Variants in SENP7 observed in about 807,000 individuals in gnomAD.
SENP7 encodes sentrin-specific protease 7.
In SENP7, 64 loss-of-function variants were observed where a neutral mutation model predicts 141.2. The observed-to-expected ratio is 0.45, with a 90% CI of 0.37 to 0.56. SENP7 has a LOEUF of 0.56. Ranked by LOEUF, SENP7 falls within the 20% of genes least tolerant of loss-of-function variation. SENP7 has a pLI of 0.00. For synonymous variants in SENP7, 382 were observed against 426.4 expected (o/e 0.90, Z 1.28); for missense variants, 1,025 against 1,212.2 (o/e 0.85, Z 2.29).
chr3:101,486,376 A>G (rs1159023938), intron 3 of SENP7, among the ~76,000 whole-genome samples: 1 of 152,236 alleles, frequency 6.6e-6, no homozygotes, highest in African/African-American at 2.4e-5. Context: ...CAGCTAACCT[A>G]TAAGGAAAAC....
chr3:101,394,812 C>T (rs2060921592), intron 6 of SENP7, among the ~76,000 whole-genome samples: 1 of 152,096 alleles, frequency 6.6e-6, no homozygotes, highest in Non-Finnish European at 1.5e-5. Flanking sequence ...CCAACATCTG[C>T]TATTCTTTGT....
At chr3:101,465,464 C>T (rs1038781212) in intron 3 of SENP7, among the ~76,000 whole-genome samples, 3 of 152,182 alleles carry the variant, frequency 2.0e-5, no homozygotes, top group Non-Finnish European at 4.4e-5. Flanking sequence ...CACCTGGAGT[C>T]CTCATGCTCA....
intron 1 of SENP7, among the ~76,000 whole-genome samples, chr3:101,508,311 A>C (rs1035707495): frequency 3.9e-5 from 6 of 151,934 alleles, no homozygotes; most frequent in African/African-American, 1.4e-4. Context: ...AATGGCTTTA[A>C]GGAGGCCAGG....
chr3:101,445,124 T>C (rs1016160633), intron 4 of SENP7, among the ~76,000 whole-genome samples: 1 of 152,092 alleles, frequency 6.6e-6, no homozygotes, highest in Non-Finnish European at 1.5e-5. Context: ...GGAATCTCCA[T>C]CAGACTAACT....
intron 3 of SENP7, among the ~76,000 whole-genome samples, chr3:101,463,396 T>TATATATATATATATACAC (rs1320861204): frequency 1.2e-5 from 1 of 82,862 alleles, no homozygotes; most frequent in Admixed American, 1.2e-4. Flanking sequence ...TATATATATA[T>TATATATATATATATACAC]ACATATATAT....
intron 3 of SENP7, among the ~76,000 whole-genome samples, chr3:101,464,043 C>G (rs1011279999): frequency 2.6e-5 from 4 of 151,956 alleles, no homozygotes; most frequent in Non-Finnish European, 5.9e-5. Flanking sequence ...CCAGGCTGGT[C>G]TCCAACTCAT....
chr3:101,340,099 G>A lies in SENP7; in HGVS notation c.2353C>T (p.Leu785Phe), dbSNP rs778889497. The A allele has an allele frequency of 6.3e-7, 1 of 1,576,736 alleles. No homozygotes were observed. The highest frequency in any genetic ancestry group is 1.2e-5 in the South Asian group (1 of 83,818). Residue 785 changes from leucine to phenylalanine, a missense_variant, in exon 16 of 24, where the codon CTT (leucine) becomes TTT (phenylalanine). Around this residue, in one of 4 missense-constraint regions of SENP7, gnomAD observed 295 missense variants for 459.1 expected, o/e 0.64. Transcript: ENST00000394095. Reference sequence around the variant, plus strand: ...ATCATTTATCATTGTACTTACTTAAGGTAAAAATCAATGATTACATCATTA... The same window carrying A: ...ATCATTTATCATTGTACTTACTTAAAGTAAAAATCAATGATTACATCATTA... The part of the protein sequence containing the change: ...FLNDVIIDFY[L>F]KYLILEKASD...
intron 3 of SENP7, among the ~76,000 whole-genome samples, chr3:101,482,950 C>T (rs552613883): frequency 9.2e-5 from 14 of 152,200 alleles, no homozygotes; most frequent in South Asian, 4.1e-4. Context: ...ACAACAACAA[C>T]GAATGCTGGC....
In SENP7 at chr3:101,337,641, A is replaced by G. The variant is rs1488803230; in HGVS notation, c.2358-10T>C. 6.4e-7 allele frequency: 1 copy of G among 1,551,100 alleles called. No homozygotes were observed. Among genetic ancestry groups the G allele is most frequent in the Non-Finnish European group, 8.7e-7 (1 of 1,151,858 alleles). On this transcript the variant is annotated splice_polypyrimidine_tract_variant and intron_variant, in intron 16 of 23. Coordinates refer to ENST00000394095, the MANE Select transcript of SENP7 (RefSeq NM_020654.5). ...CTCCAATATAAGATACCTGTAAAGT[A>G]GTAACCCCACAAAAGTAAATTATTT...
chr3:101,494,009 T>C (rs1268239319), intron 2 of SENP7, 41 bp from the exon 3 acceptor site: 6 of 1,275,126 alleles, frequency 4.7e-6, no homozygotes, highest in African/African-American at 1.5e-5. Context: ...AATTGAACTA[T>C]ATACAAGAGC....
At chr3:101,473,123 C>T in intron 3 of SENP7, among the ~76,000 whole-genome samples, 1 of 152,168 alleles carries the variant, frequency 6.6e-6, no homozygotes, top group Non-Finnish European at 1.5e-5. Context: ...TTTTCTTTAT[C>T]CAGTAAAACA....
At chr3:101,431,072 CA>C (rs2062147704) in intron 4 of SENP7, among the ~76,000 whole-genome samples, 1 of 152,138 alleles carries the variant, frequency 6.6e-6, no homozygotes, top group African/African-American at 2.4e-5. Context: ...TGTTCTTTTA[CA>C]TTTGCTGAGG....
Position 101,454,668 on chromosome 3 carries a change from G to T in SENP7, c.284+4287C>A, listed in dbSNP as rs866863929. 7.2e-5 allele frequency among the ~76,000 whole-genome samples: 11 copies of T among 152,104 alleles called. No homozygotes were observed. In the South Asian group the frequency reaches 1.2e-3, roughly 17 times the overall value. The stretch of plus-strand genomic sequence containing the variant: ...GAATAAACACAATGTGGTATAAAAA[G>T]AAATGAAATACTGATATATGCTACA... On this transcript the variant is annotated intron_variant, in intron 4 of 23. Coordinates refer to ENST00000394095, the MANE Select transcript of SENP7 (RefSeq NM_020654.5).
chr3:101,358,365 TTTTA>T, intron 11 of SENP7: 1 of 557,944 alleles, frequency 1.8e-6, no homozygotes, highest in South Asian at 1.6e-5. Context: ...GTGGCAAATC[TTTTA>T]AATGTTCCTC....
Position 101,330,337 on chromosome 3 carries a change from G to A in SENP7, c.2748C>T (p.Ser916=). The A allele has an allele frequency of 1.9e-6, 3 of 1,601,110 alleles. No homozygotes were observed. In the South Asian group the frequency reaches 3.3e-5, roughly 18 times the overall value. Residue 916 remains serine, a synonymous_variant, in exon 20 of 24, where the codon TCC becomes TCT. Coordinates refer to ENST00000394095, the MANE Select transcript of SENP7 (RefSeq NM_020654.5). Reference sequence around the variant, plus strand: ...CATCTGTAAAGAACACACTTACTTGGGAATCCTCTGCACTCAAAGACAGTG... The same window carrying A: ...CATCTGTAAAGAACACACTTACTTGAGAATCCTCTGCACTCAAAGACAGTG... ...TSTLSLSAED[S]QSTESNMSVP...
At chr3:101,398,809 G>A in intron 6 of SENP7, 52 bp downstream of exon 6, 1 of 1,246,146 alleles carries the variant, frequency 8.0e-7, no homozygotes. Flanking sequence ...AACAGGGAAG[G>A]ATACATAAAA....
rs28584502 is a variant in SENP7 at position 101,512,619 on chromosome 3, G to A, written c.40+472C>T. Among the ~76,000 whole-genome samples, 758 of 152,320 alleles carry A rather than the reference G, an allele frequency of 5.0e-3. 4 individuals carry two copies. The highest frequency in any genetic ancestry group is 0.017 in the African/African-American group (726 of 41,582). On this transcript the variant is annotated intron_variant, in intron 1 of 23. Transcript: ENST00000394095. ...AAAGAAAAGGAGTCTCCGGTCGCAA[G>A]CCCCACCTTTCCTCCCCAGCAGCAG...
At chr3:101,478,179 C>T (rs2064299100) in intron 3 of SENP7, among the ~76,000 whole-genome samples, 1 of 151,934 alleles carries the variant, frequency 6.6e-6, no homozygotes. Context: ...CGAGACTGAA[C>T]CAGAAAGAAA....
chr3:101,448,761 C>A (rs2062998087), intron 4 of SENP7, among the ~76,000 whole-genome samples: 1 of 152,082 alleles, frequency 6.6e-6, no homozygotes, highest in Non-Finnish European at 1.5e-5. Flanking sequence ...GTAGAAAAAA[C>A]CACAAAGATG....
Sources: allele counts gnomAD v4.1 joint callset (sites outside exome capture counted in the v4.1 genomes callset), GRCh38; gene constraint gnomAD v4.1.1; regional missense constraint gnomAD v4.1.1; transcripts MANE v1.5; gene names NCBI Gene and HGNC (gene_info 2026-07-23, HGNC 2026-07-21).